Variants in RNF207 observed in about 807,000 individuals in gnomAD.
RNF207 encodes ring finger protein 207, also known as OTTHUMG00000001089.
RNF207 carries 72 observed loss-of-function variants against 79.0 expected under a neutral mutation model. That is an observed-to-expected ratio of 0.91 (90% confidence interval 0.75 to 1.11). The LOEUF (loss-of-function observed/expected upper bound fraction) is 1.11, where lower values mean the gene tolerates loss of function less well. Ranked by LOEUF, RNF207 falls within the 50% of genes least tolerant of loss-of-function variation. The pLI is 0.00. For synonymous variants in RNF207, 348 were observed against 366.2 expected (o/e 0.95, Z 0.57); for missense variants, 936 against 855.8 (o/e 1.09, Z -1.17).
chr1:6,209,805 C>T, intron 7 of RNF207, 119 bp from the exon 8 acceptor site: 1 of 1,138,490 alleles, frequency 8.8e-7, no homozygotes, highest in Admixed American at 2.4e-5. Context: ...AGATGCAGGG[C>T]TGGTAGGTTG....
Position 6,217,745 on chromosome 1 carries a change from C to T in RNF207, c.1653-544C>T, listed in dbSNP as rs149340804. 4.6e-5 allele frequency among the ~76,000 whole-genome samples: 7 copies of T among 152,300 alleles called. No individual in the cohort carries two copies. Among genetic ancestry groups the T allele is most frequent in the East Asian group, 1.9e-4 (1 of 5,188 alleles). ...TGGCCAACCCTCCTACCCCTCCAGC[C>T]GCCATGAAGCCAGGAGTCCTTTAGA... On this transcript the variant is annotated intron_variant, in intron 16 of 17. Coordinates refer to ENST00000377939, the MANE Select transcript of RNF207 (RefSeq NM_207396.3). This position sits in a 1 kb window ranked among gnomAD's most constrained non-coding sequence, Gnocchi z 4.2.
At chr1:6,218,910 C>T (rs1463113981) in intron 17 of RNF207, among the ~76,000 whole-genome samples, 8 of 152,168 alleles carry the variant, frequency 5.3e-5, no homozygotes, top group Admixed American at 3.9e-4. Context: ...AGTCACAGCG[C>T]GGCTGGTGAC....
intron 3 of RNF207, chr1:6,208,570 T>G: frequency 3.0e-5 from 10 of 328,704 alleles, no homozygotes; most frequent in East Asian, 2.2e-4. Context: ...GCCTCCCAAA[T>G]TGTTGGGATT....
In RNF207 at chr1:6,206,684, G is replaced by C; in HGVS notation, c.149G>C (p.Arg50Pro). 1.2e-6 allele frequency: 2 copies of C among 1,604,404 alleles called. No individual in the cohort carries two copies. Among genetic ancestry groups the C allele is most frequent in the South Asian group, 1.1e-5 (1 of 91,052 alleles). ...CACGACTTCTGTGCCGGCTGCCTGC[G>C]TGGCCGCGCGACCGACGGCCGCCTC... ...CFHDFCAGCL[R>P]GRATDGRLTC... Residue 50 changes from arginine (R) to proline (P), a missense_variant, in exon 2 of 18, where the codon CGT becomes CCT. Transcript: ENST00000377939.
Position 6,209,927 on chromosome 1 carries a change from A to T in RNF207, c.757A>T (p.Arg253Trp). 2 of 1,588,048 alleles carry T rather than the reference A, an allele frequency of 1.3e-6. No homozygotes were observed. Among genetic ancestry groups the T allele is most frequent in the Non-Finnish European group, 1.7e-6 (2 of 1,167,344 alleles). Residue 253 changes from arginine to tryptophan, a missense_variant, in exon 8 of 18, where the codon AGG (arginine) becomes TGG (tryptophan). Coordinates refer to ENST00000377939, the MANE Select transcript of RNF207 (RefSeq NM_207396.3). ...GCATGCTCGCCATCTCTCCCAGGAC[A>T]GGCTGGCAGAGAGGAAAGCGCTGCT... is the stretch of plus-strand genomic sequence containing the variant. ...IHALFGSMQD[R>W]LAERKALLLQ...
rs1668396947 is a variant in RNF207 at position 6,217,407 on chromosome 1, C to G, written c.1653-882C>G. On this transcript the variant is annotated intron_variant, in intron 16 of 17. Coordinates refer to ENST00000377939, the MANE Select transcript of RNF207 (RefSeq NM_207396.3). The surrounding 1 kb of genome is among the most constrained non-coding windows in gnomAD (Gnocchi z 4.2). ...ATGACGCAGACCCCCAGCTCCCGCT[C>G]CAGCACAGTGCTTACCAGAGCTCCA... is the stretch of plus-strand genomic sequence containing the variant. Among the ~76,000 whole-genome samples the G allele has an allele frequency of 6.6e-6, 1 of 152,200 alleles. No individual in the cohort carries two copies. Among genetic ancestry groups the G allele is most frequent in the South Asian group, 2.1e-4 (1 of 4,830 alleles).
Position 6,218,383 on chromosome 1 carries a change from C to T in RNF207, c.1733+14C>T, listed in dbSNP as rs1414287785. On this transcript the variant is annotated intron_variant, in intron 17 of 17. Coordinates refer to ENST00000377939, the MANE Select transcript of RNF207 (RefSeq NM_207396.3). ...GGCCTCAGCCAGGTAAAGCAAGTCT[C>T]TCCACTGGAGAGTGTGCACGCGATG... The T allele has an allele frequency of 6.3e-7, 1 of 1,595,186 alleles. No homozygotes were observed. Among genetic ancestry groups the T allele is most frequent in the Admixed American group, 1.7e-5 (1 of 59,980 alleles).
chr1:6,219,304 C>T lies in RNF207; in HGVS notation c.1802C>T (p.Pro601Leu), dbSNP rs772314366. 3.4e-5 allele frequency: 55 copies of T among 1,613,362 alleles called. No homozygotes were observed. Among genetic ancestry groups the T allele is most frequent in the Non-Finnish European group, 4.2e-5 (50 of 1,179,660 alleles). Residue 601 changes from proline to leucine, a missense_variant, in exon 18 of 18, where the codon CCG (proline) becomes CTG (leucine). By Grantham distance (98) the Pro-to-Leu change is moderately conservative (BLOSUM62 -3). Transcript: ENST00000377939. ...GAGCCTAAAGGAAACAGCTGGGCTC[C>T]GAACGGCCTCTCAGAAGAGCCTCTA... ...TSEPKGNSWA[P>L]NGLSEEPLLK... is the part of the protein sequence containing the mutation.
intron 1 of RNF207, 91 bp from the exon 2 acceptor site, chr1:6,206,445 G>A (rs1341359139): frequency 1.6e-5 from 15 of 929,476 alleles, no homozygotes; most frequent in Non-Finnish European, 2.2e-5. Context: ...AGGCGCGATA[G>A]GGAGGGCGCG....
At chr1:6,214,170 C>T (rs532717624) in intron 16 of RNF207, among the ~76,000 whole-genome samples, 26 of 152,296 alleles carry the variant, frequency 1.7e-4, no homozygotes, top group Non-Finnish European at 3.8e-4. Flanking sequence ...ATCGCTCTCT[C>T]GCTTTCTTAT....
intron 3 of RNF207, chr1:6,208,064 GAGGTAGGGACTGC>G (rs1324159863): frequency 3.9e-6 from 1 of 259,612 alleles, no homozygotes; most frequent in Admixed American, 4.4e-5. Flanking sequence ...GGATTAGCAG[GAGGTAGGGACTGC>G]AGGTAGGGCC....
chr1:6,206,831 C>A (rs1204943361), intron 2 of RNF207, 105 bp downstream of exon 2: 2 of 910,970 alleles, frequency 2.2e-6, no homozygotes, highest in African/African-American at 1.7e-5. Flanking sequence ...AAGGCTCCAA[C>A]TTCAGGCAGA....
At position 6,217,981 on chromosome 1, in the gene RNF207, C is replaced by A. The variant is rs1446615160; in HGVS notation, c.1653-308C>A. Among the ~76,000 whole-genome samples, 1 of 152,212 alleles carries A rather than the reference C, an allele frequency of 6.6e-6. No individual in the cohort carries two copies. Among genetic ancestry groups the A allele is most frequent in the Non-Finnish European group, 1.5e-5 (1 of 68,040 alleles). On this transcript the variant is annotated intron_variant, in intron 16 of 17. Transcript: ENST00000377939. The surrounding 1 kb of genome is among the most constrained non-coding windows in gnomAD (Gnocchi z 4.2). The stretch of plus-strand genomic sequence containing the variant: ...GCTTGGATGAGTGTCAGCAGAGGCC[C>A]TCCCCACTCCACCTGGATTAAAGCA...
At chr1:6,218,396 T>A (rs763814419) in intron 17 of RNF207, 27 bp downstream of exon 17, 1 of 1,527,460 alleles carries the variant, frequency 6.5e-7, no homozygotes, top group Non-Finnish European at 9.1e-7. Flanking sequence ...CACTGGAGAG[T>A]GTGCACGCGA....
intron 16 of RNF207, among the ~76,000 whole-genome samples, chr1:6,215,466 C>T (rs543911301): frequency 6.6e-6 from 1 of 152,058 alleles, no homozygotes; most frequent in East Asian, 1.9e-4. Context: ...CGTGCCAAGC[C>T]TCTTTATCTT....
rs1460166421 is a variant in RNF207, at chr1:6,210,450, C to G, written c.942+12C>G. The G allele has an allele frequency of 1.9e-6, 3 of 1,608,994 alleles. No homozygotes were observed. Among genetic ancestry groups the G allele is most frequent in the African/African-American group, 1.3e-5 (1 of 74,792 alleles). ...TGGACCTGGGCTATGTGAGTCTCCT[C>G]TGCTCCTGCAGATGCCCCCTCCCCA... On this transcript the variant is annotated intron_variant, in intron 10 of 17. Transcript: ENST00000377939.
At position 6,218,372 on chromosome 1, in the gene RNF207, A is replaced by AGGCCT. The variant is rs1668435231; in HGVS notation, c.1733+3_1733+4insGGCCT. On this transcript the variant is annotated splice_donor_region_variant and intron_variant, in intron 17 of 17. Transcript: ENST00000377939. ...AGGAACAACGCGGCCTCAGCCAGGT[A>AGGCCT]AAGCAAGTCTCTCCACTGGAGAGTG... 2 of 1,608,534 alleles carry AGGCCT rather than the reference A, an allele frequency of 1.2e-6. No individual in the cohort carries two copies. The highest frequency in any genetic ancestry group is 2.7e-5 in the African/African-American group (2 of 74,700).
At position 6,211,429 on chromosome 1, in the gene RNF207, G is replaced by T. The variant is rs935624811; in HGVS notation, c.1109+311G>T. 1.3e-5 allele frequency among the ~76,000 whole-genome samples: 2 copies of T among 152,156 alleles called. No individual in the cohort carries two copies. Among genetic ancestry groups the T allele is most frequent in the Non-Finnish European group, 2.9e-5 (2 of 68,018 alleles). ...CCTCCCCTGGGGTGGGGCGCCTGGG[G>T]CTGGGCTGACCGCCACCTAGGTGGC... On this transcript the variant is annotated intron_variant, in intron 12 of 17. Transcript: ENST00000377939. This position sits in a 1 kb window ranked among gnomAD's most constrained non-coding sequence, Gnocchi z 4.2.
chr1:6,212,167 C>G, intron 13 of RNF207, 64 bp from the exon 14 acceptor site: 1 of 1,552,592 alleles, frequency 6.4e-7, no homozygotes, highest in Middle Eastern at 1.7e-4. Context: ...CATTCCTCCA[C>G]CAAGTCCATG....
Sources: gnomAD v4.1 joint callset for allele counts (sites outside exome capture counted in the v4.1 genomes callset) on GRCh38, gnomAD v4.1.1 for gene constraint, Gnocchi (gnomAD v3.1) non-coding constraint, MANE v1.5 for transcripts, NCBI Gene and HGNC (gene_info 2026-07-23, HGNC 2026-07-21) for gene names.